The following EHMT2 variants were observed in gnomAD, a reference collection of about 807,000 sequenced individuals.
EHMT2 encodes histone-lysine N-methyltransferase EHMT2.
EHMT2 carries 59 observed loss-of-function variants against 143.3 expected under a neutral mutation model. The observed-to-expected ratio is 0.41, with a 90% CI of 0.33 to 0.51. The LOEUF (loss-of-function observed/expected upper bound fraction) is 0.51, where lower values mean the gene tolerates loss of function less well. Among genes scored for constraint, EHMT2 ranks in the 20% least tolerant of loss-of-function variants. EHMT2 has a pLI of 0.18. For synonymous variants in EHMT2, 604 were observed against 651.5 expected, an observed-to-expected ratio of 0.93 and a Z score of 1.11; for missense variants, 1,174 against 1,645.9, an observed-to-expected ratio of 0.71 and a Z score of 4.96.
chr6:31,892,238 T>C (rs1765782469), intron 7 of EHMT2, among the ~76,000 whole-genome samples, 169 bp downstream of exon 7: 1 of 151,610 alleles, frequency 6.6e-6, no homozygotes, highest in South Asian at 2.1e-4. Context: ...TGAGATTCCG[T>C]CTCCCCCCAC....
chr6:31,896,493 AG>A lies in EHMT2; in HGVS notation c.351del (p.Ser118LeufsTer17). 1 of 1,612,902 alleles carries A rather than the reference AG, an allele frequency of 6.2e-7. No homozygotes were observed. Among genetic ancestry groups the A allele is most frequent in the Non-Finnish European group, 8.5e-7 (1 of 1,179,922 alleles). ...CAGGAACCCCCCTTGCTGGGGGAAG[AG>A]GGGAATGACTTTGTGGCATGGCCTA... On this transcript the variant is annotated frameshift_variant, in exon 4 of 28. Coordinates refer to ENST00000375537, the Ensembl canonical transcript of EHMT2. LOFTEE classifies it high-confidence loss of function.
At chr6:31,882,364 C>T (rs1404817272) in intron 25 of EHMT2, among the ~76,000 whole-genome samples, 1 of 152,078 alleles carries the variant, frequency 6.6e-6, no homozygotes, top group African/African-American at 2.4e-5. Flanking sequence ...GGGCTCAAAC[C>T]CAAGTCTGTT....
rs1291305293 is a variant in EHMT2 at position 31,884,533 on chromosome 6, G to A, written c.2630C>T (p.Pro877Leu). The change falls in exon 21 of 28, where the codon CCT becomes CTT. Residue 877 changes from proline to leucine, a missense_variant. By Grantham distance (98) the Pro-to-Leu change is moderately conservative. Transcript: ENST00000375537. The surrounding 1 kb of genome is among the most constrained non-coding windows in gnomAD (Gnocchi z 7.3). Reference sequence around the variant, plus strand: ...GTCCCCCTCTTTGTTCCGCAGCTCAGGGTTGGCCCCACGTGACAGGAATAA... The same window carrying A: ...GTCCCCCTCTTTGTTCCGCAGCTCAAGGTTGGCCCCACGTGACAGGAATAA... The A allele has an allele frequency of 6.2e-7, 1 of 1,612,978 alleles. No homozygotes were observed. The highest frequency in any genetic ancestry group is 8.5e-7 in the Non-Finnish European group (1 of 1,179,998).
At position 31,897,293 on chromosome 6, in the gene EHMT2, T is replaced by G. The variant is rs988994425; in HGVS notation, c.43-304A>C. The stretch of plus-strand genomic sequence containing the variant: ...TCCCGGCTGCACGCGCCGCTCCCCC[T>G]TTGTCCCCCAGGCCGCGGGGACCCC... On this transcript the variant is annotated intron_variant, in intron 1 of 27. Transcript: ENST00000375537. 1.3e-5 allele frequency: 8 copies of G among 593,336 alleles called. No homozygotes were observed. In the African/African-American group the frequency reaches 3.3e-4, roughly 25 times the overall value. The allele number at this position is 593,336 out of a possible 1,614,324, so 36.8% of individuals were successfully genotyped here. A position where few individuals can be genotyped will look rare whatever the true frequency, so the allele number is the denominator to read the frequency against.
chr6:31,887,039 C>T, exon 16 of EHMT2: 2 of 1,613,748 alleles, frequency 1.2e-6, no homozygotes, highest in Non-Finnish European at 1.7e-6. Context: ...TTCTGGGCGG[C>T]TGCATGCAGG....
chr6:31,880,642 G>A lies in EHMT2; in HGVS notation c.3452+31C>T. On this transcript the variant is annotated intron_variant, in intron 27 of 27. Transcript: ENST00000375537. This position sits in a 1 kb window ranked among gnomAD's most constrained non-coding sequence, Gnocchi z 6.6. ...GGTTTGCTGCATCTCCCACCCCCTG[G>A]CAGAGCCCCTAGAGACCCCTAGAGT... The A allele has an allele frequency of 1.2e-6, 2 of 1,608,208 alleles. No individual in the cohort carries two copies. The highest frequency in any genetic ancestry group is 1.7e-6 in the Non-Finnish European group (2 of 1,176,840).
chr6:31,880,950 C>T lies in EHMT2; in HGVS notation c.3276+64G>A. On this transcript the variant is annotated intron_variant, in intron 26 of 27. Coordinates refer to ENST00000375537, the Ensembl canonical transcript of EHMT2. The surrounding 1 kb of genome is among the most constrained non-coding windows in gnomAD (Gnocchi z 6.6). ...TCCTCCCCAGGTTTCCATTTGCTGACTTCCCAGAGGCTCCTGAAAGCCAGC... is the reference window on the plus strand; with the variant it reads ...TCCTCCCCAGGTTTCCATTTGCTGATTTCCCAGAGGCTCCTGAAAGCCAGC... The T allele has an allele frequency of 4.3e-6, 7 of 1,609,756 alleles. No individual in the cohort carries two copies. Among genetic ancestry groups the T allele is most frequent in the South Asian group, 1.1e-5 (1 of 91,026 alleles).
chr6:31,897,589 G>GGCGC (rs1277925981), intron 1 of EHMT2, 47 bp downstream of exon 1: 3 of 1,125,848 alleles, frequency 2.7e-6, no homozygotes, highest in Admixed American at 4.9e-5. Flanking sequence ...GCTTCCCCCG[G>GGCGC]GCGCGCGCGC....
At chr6:31,893,028 G>T in intron 4 of EHMT2, 118 bp from the exon 5 acceptor site, 1 of 628,798 alleles carries the variant, frequency 1.6e-6, no homozygotes. Flanking sequence ...GCCATGTGAG[G>T]CTCCAGTAGC....
Position 31,897,682 on chromosome 6 carries a change from G to C in EHMT2, c.-5C>G, listed in dbSNP as rs947552406. On this transcript the variant is annotated 5_prime_UTR_variant, in exon 1 of 28. Coordinates refer to ENST00000375537, the Ensembl canonical transcript of EHMT2. ...AGCTCCCGCCGCCGCCGCCATCGCC[G>C]CTTGCGCTGGGGGCCGAGCCGGCGC... The C allele has an allele frequency of 1.1e-5, 12 of 1,121,856 alleles. No homozygotes were observed. In the African/African-American group the frequency reaches 1.8e-4, roughly 17 times the overall value. The allele number at this position is 1,121,856 out of a possible 1,614,324, so 69.5% of individuals were successfully genotyped here.
Position 31,886,420 on chromosome 6 carries a change from G to T in EHMT2, c.2343+161C>A, listed in dbSNP as rs537726044. On this transcript the variant is annotated intron_variant, in intron 18 of 27. Coordinates refer to ENST00000375537, the Ensembl canonical transcript of EHMT2. ...TTGATAAAGAGAAAGAAACGAGAAA[G>T]AAAAGAATGAAGAGAAATACAAATG... 13 of 624,432 alleles carry T rather than the reference G, an allele frequency of 2.1e-5. No homozygotes were observed. The African/African-American group carries it at 2.2e-4, about 11-fold the overall frequency. 38.7% of individuals were successfully genotyped at this position (624,432 alleles called of 1,614,324 possible).
chr6:31,890,539 C>A (rs2151637301), intron 7 of EHMT2, among the ~76,000 whole-genome samples: 1 of 150,648 alleles, frequency 6.6e-6, no homozygotes, highest in East Asian at 2.0e-4. Flanking sequence ...GCGTGAGCCA[C>A]CACGCCTGGG....
At chr6:31,893,329 C>CT (rs1423022952) in intron 4 of EHMT2, 5 of 441,836 alleles carry the variant, frequency 1.1e-5, no homozygotes, top group East Asian at 6.9e-5. Context: ...GAAAGATATA[C>CT]TTTTTTTAAG....
chr6:31,884,007 C>T lies in EHMT2; in HGVS notation c.2772-57G>A. 6.3e-7 allele frequency: 1 copy of T among 1,589,186 alleles called. No individual in the cohort carries two copies. On this transcript the variant is annotated intron_variant, in intron 21 of 27. Transcript: ENST00000375537. This position sits in a 1 kb window ranked among gnomAD's most constrained non-coding sequence, Gnocchi z 7.3. ...CTGGAAAAGGGGGTGAGGAGCTACT[C>T]CAGGTATAAGGAAGAGAGTTGGGGA...
At chr6:31,896,170 A>C (rs1766388954) in intron 4 of EHMT2, 93 bp downstream of exon 4, 2 of 1,503,220 alleles carry the variant, frequency 1.3e-6, no homozygotes, top group African/African-American at 1.4e-5. Context: ...TAAATATGTG[A>C]ATGAGTAAAT....
rs1172487255 is a variant in EHMT2 at position 31,885,000 on chromosome 6, G to A, written c.2360C>T (p.Thr787Met). ...GTGCTCTGCAGCCCAGATGATGGGC[G>A]TCCACCCCCCACTGTCCTGTGGGTG... The change falls in exon 19 of 28, where the codon ACG (threonine) becomes ATG (methionine). Residue 787 changes from threonine to methionine, a missense_variant. Physicochemically the swap from Thr to Met is moderately conservative, Grantham distance 81 (BLOSUM62 -1). This residue lies in a region of EHMT2 where 608 missense variants were observed against 903.7 expected (regional missense o/e 0.67). Transcript: ENST00000375537. This position sits in a 1 kb window ranked among gnomAD's most constrained non-coding sequence, Gnocchi z 7.3. 3 of 1,609,560 alleles carry A rather than the reference G, an allele frequency of 1.9e-6. No homozygotes were observed. Among genetic ancestry groups the A allele is most frequent in the Non-Finnish European group, 1.7e-6 (2 of 1,176,972 alleles).
chr6:31,897,063 C>A, intron 1 of EHMT2, 74 bp from the exon 2 acceptor site: 1 of 1,501,296 alleles, frequency 6.7e-7, no homozygotes, highest in Non-Finnish European at 8.9e-7. Flanking sequence ...TGCCTGGGCC[C>A]TGGGAAGAGA....
At position 31,883,787 on chromosome 6, in the gene EHMT2, C is replaced by G; in HGVS notation, c.2916+19G>C. 1 of 1,611,194 alleles carries G rather than the reference C, an allele frequency of 6.2e-7. No homozygotes were observed. Among genetic ancestry groups the G allele is most frequent in the South Asian group, 1.1e-5 (1 of 90,954 alleles). On this transcript the variant is annotated intron_variant, in intron 22 of 27. Transcript: ENST00000375537. The surrounding 1 kb of genome is among the most constrained non-coding windows in gnomAD (Gnocchi z 5.6). ...AGCTCTCGGTGTCCTTTTGGGGAGGCCCCGGGCCCCCTACTCACCTGCAGG... is the reference window on the plus strand; with the variant it reads ...AGCTCTCGGTGTCCTTTTGGGGAGGGCCCGGGCCCCCTACTCACCTGCAGG...
chr6:31,892,662 C>A (rs774741474), intron 6 of EHMT2, 32 bp downstream of exon 6: 1 of 1,613,018 alleles, frequency 6.2e-7, no homozygotes, highest in Non-Finnish European at 8.5e-7. Context: ...GAGCAGCCCC[C>A]GAGGGGTAGA....
Sources: allele counts gnomAD v4.1 joint callset (sites outside exome capture counted in the v4.1 genomes callset), GRCh38; gene constraint gnomAD v4.1.1; regional missense constraint gnomAD v4.1.1; non-coding constraint Gnocchi (gnomAD v3.1); transcripts MANE v1.5; gene names NCBI Gene and HGNC (gene_info 2026-07-23, HGNC 2026-07-21).